The following LPP variants were observed in gnomAD, a reference collection of about 807,000 sequenced individuals.
The protein encoded by LPP is LIM domain containing preferred translocation partner in lipoma.
A neutral mutation model predicts 60.4 loss-of-function variants in LPP; 38 were observed. The ratio of observed to expected loss-of-function variants is 0.63; its 90% CI spans 0.49 to 0.83. The LOEUF (loss-of-function observed/expected upper bound fraction) is 0.83. Ranked by LOEUF, LPP falls within the 40% of genes least tolerant of loss-of-function variation. The probability of loss-of-function intolerance (pLI) is 0.00; values close to 1 mark genes in which losing one functional copy is unlikely to be tolerated. For synonymous variants in LPP, 328 were observed against 290.8 expected (o/e 1.13, Z -1.30); for missense variants, 902 against 783.6 (o/e 1.15, Z -1.80).
chr3:188,635,989 T>G (rs1281857582), intron 7 of LPP, among the ~76,000 whole-genome samples: 1 of 152,168 alleles, frequency 6.6e-6, no homozygotes, highest in Non-Finnish European at 1.5e-5. Context: ...AAAAGGAAAT[T>G]GAAGGATGGT....
At chr3:188,484,934 AC>A (rs913592201) in intron 5 of LPP, among the ~76,000 whole-genome samples, 1 of 151,966 alleles carries the variant, frequency 6.6e-6, no homozygotes, top group Non-Finnish European at 1.5e-5. Flanking sequence ...CCCTCAAAAT[AC>A]TTTTGCCTAC....
chr3:188,688,008 A>G (rs6791355), intron 7 of LPP, among the ~76,000 whole-genome samples: 55,330 of 151,826 alleles, frequency 0.36, 10,796 homozygotes, highest in Middle Eastern at 0.53. Flanking sequence ...TGTCTGAGGT[A>G]TTTTTTTGAA....
chr3:188,364,347 TA>T (rs1198535865), intron 3 of LPP, among the ~76,000 whole-genome samples: 2 of 152,244 alleles, frequency 1.3e-5, no homozygotes, highest in African/African-American at 4.8e-5. Flanking sequence ...GAGCCTTTCT[TA>T]TTTGATACTT....
At chr3:188,259,848 G>A (rs1577644614) in intron 2 of LPP, among the ~76,000 whole-genome samples, 1 of 152,076 alleles carries the variant, frequency 6.6e-6, no homozygotes. Context: ...GGTAAGGAAG[G>A]CTCATGTTTA....
At chr3:188,365,690 T>C (rs1193957256) in intron 3 of LPP, among the ~76,000 whole-genome samples, 36 of 146,096 alleles carry the variant, frequency 2.5e-4, no homozygotes, top group East Asian at 7.8e-4. Context: ...TCTTCTTCTT[T>C]TTTTTTTTTT....
chr3:188,683,668 C>A (rs1860018678), intron 7 of LPP, among the ~76,000 whole-genome samples: 2 of 152,052 alleles, frequency 1.3e-5, no homozygotes, highest in South Asian at 4.1e-4. Flanking sequence ...AGGAAGACCC[C>A]TTGTAATTTG....
intron 3 of LPP, among the ~76,000 whole-genome samples, chr3:188,380,998 G>A (rs958392489): frequency 3.3e-5 from 5 of 152,194 alleles, no homozygotes; most frequent in African/African-American, 1.2e-4. Context: ...TAACCCCAGA[G>A]CCTATGTCTT....
chr3:188,598,008 G>C (rs891215440), intron 6 of LPP, among the ~76,000 whole-genome samples: 11 of 152,082 alleles, frequency 7.2e-5, no homozygotes, highest in Admixed American at 5.2e-4. Context: ...TGGGCACCTT[G>C]TCTAATTTTG....
intron 9 of LPP, among the ~76,000 whole-genome samples, chr3:188,812,941 G>C (rs147215909): frequency 2.6e-5 from 4 of 151,946 alleles, no homozygotes; most frequent in African/African-American, 9.7e-5. Flanking sequence ...AAGTATCAGT[G>C]AGGGCAGGGA....
At position 188,383,706 on chromosome 3, in the gene LPP, A is replaced by G. The variant is rs1159894567; in HGVS notation, c.-9-22406A>G. On this transcript the variant is annotated intron_variant, in intron 3 of 11. Coordinates refer to ENST00000617246, the MANE Select transcript of LPP (RefSeq NM_001375462.1). ...GCTCAACTCTGAATATATTTTGACA[A>G]TGTTTCAATTATAATATATGCAGAA... Among the ~76,000 whole-genome samples, 3 of 152,260 alleles carry G rather than the reference A, an allele frequency of 2.0e-5. 1 individual carries two copies. Among genetic ancestry groups the G allele is most frequent in the South Asian group, 4.1e-4 (2 of 4,826 alleles).
At position 188,863,601 on chromosome 3, in the gene LPP, C is replaced by G. The variant is rs1406745376; in HGVS notation, c.1411-2599C>G. ...ACTGGAGACTGAAAGGGGAAGATTG[C>G]AGTAAAAGGCGCAGGCTGTCGAAGG... is the stretch of plus-strand genomic sequence containing the variant. On this transcript the variant is annotated intron_variant, in intron 9 of 11. Coordinates refer to ENST00000617246, the MANE Select transcript of LPP (RefSeq NM_001375462.1). Among the ~76,000 whole-genome samples the G allele has an allele frequency of 2.6e-5, 4 of 152,168 alleles. No individual in the cohort carries two copies. The East Asian group carries it at 5.8e-4, about 22-fold the overall frequency.
chr3:188,880,501 C>G lies in LPP; in HGVS notation c.*6022C>G, dbSNP rs1381725523. On this transcript the variant is annotated 3_prime_UTR_variant, in exon 12 of 12. Coordinates refer to ENST00000617246, the MANE Select transcript of LPP (RefSeq NM_001375462.1). ...AATAAAAATTAATATTCTACAAACA[C>G]CTACATATACTAGAGAGGGGTGAAA... The G allele has an allele frequency of 1.1e-5, 2 of 189,166 alleles. No homozygotes were observed. The highest frequency in any genetic ancestry group is 3.9e-4 in the South Asian group (2 of 5,138). The allele number at this position is 189,166 out of a possible 1,614,324, so 11.7% of individuals were successfully genotyped here. A position where few individuals can be genotyped will look rare whatever the true frequency, so the allele number is the denominator to read the frequency against.
intron 1 of LPP, among the ~76,000 whole-genome samples, chr3:188,176,015 CA>C (rs1222040891): frequency 6.6e-6 from 1 of 152,046 alleles, no homozygotes; most frequent in East Asian, 1.9e-4. Flanking sequence ...CATGCCAGAT[CA>C]AAATCAGAAT....
chr3:188,644,820 G>A (rs148657388), intron 7 of LPP, among the ~76,000 whole-genome samples: 153 of 152,282 alleles, frequency 1.0e-3, no homozygotes, highest in African/African-American at 3.0e-3. Context: ...TTTGTTGGTC[G>A]TATCTATTAC....
chr3:188,204,601 A>G (rs971029250), intron 1 of LPP, among the ~76,000 whole-genome samples: 1 of 152,188 alleles, frequency 6.6e-6, no homozygotes, highest in Admixed American at 6.5e-5. Flanking sequence ...TTCATTGTTC[A>G]TACAATATCT....
chr3:188,533,368 C>G (rs972268269), intron 6 of LPP, among the ~76,000 whole-genome samples: 1 of 152,084 alleles, frequency 6.6e-6, no homozygotes, highest in African/African-American at 2.4e-5. Context: ...ATAGACTGTC[C>G]CTACAGACTA....
intron 7 of LPP, among the ~76,000 whole-genome samples, chr3:188,666,186 A>G (rs766754339): frequency 3.3e-5 from 5 of 152,222 alleles, no homozygotes; most frequent in Non-Finnish European, 7.3e-5. Flanking sequence ...TAAACTATTT[A>G]TATTTCTCTA....
chr3:188,815,109 C>G (rs1432993584), intron 9 of LPP, among the ~76,000 whole-genome samples: 1 of 152,234 alleles, frequency 6.6e-6, no homozygotes, highest in Non-Finnish European at 1.5e-5. Context: ...GCATCTGACA[C>G]TAAATAAATA....
chr3:188,404,252 G>A (rs1228182119), intron 3 of LPP, among the ~76,000 whole-genome samples: 1 of 152,066 alleles, frequency 6.6e-6, no homozygotes, highest in East Asian at 1.9e-4. Context: ...TTATATGTTT[G>A]TTTGTTTTTT....
Sources: gnomAD v4.1 joint callset for allele counts (sites outside exome capture counted in the v4.1 genomes callset) on GRCh38, gnomAD v4.1.1 for gene constraint, MANE v1.5 for transcripts, NCBI Gene and HGNC (gene_info 2026-07-23, HGNC 2026-07-21) for gene names.